Variants in HPSE2 observed in about 807,000 individuals in gnomAD.
HPSE2 encodes the protein inactive heparanase-2.
A neutral mutation model predicts 60.5 loss-of-function variants in HPSE2; 38 were observed. The ratio of observed to expected loss-of-function variants is 0.63; its 90% confidence interval spans 0.48 to 0.82. The LOEUF is 0.82. Among genes scored for constraint, HPSE2 ranks in the 40% least tolerant of loss-of-function variants. HPSE2 has a pLI of 0.00. For synonymous variants in HPSE2, 295 were observed against 293.2 expected (o/e 1.01, Z -0.06); for missense variants, 713 against 740.4 (o/e 0.96, Z 0.43).
intron 3 of HPSE2, among the ~76,000 whole-genome samples, chr10:99,092,721 A>C (rs144950963): frequency 2.0e-5 from 3 of 152,184 alleles, no homozygotes; most frequent in African/African-American, 7.2e-5. Context: ...CTGAGCCACC[A>C]TTTTCTTAAT....
chr10:99,098,339 C>A (rs1428930872), intron 3 of HPSE2, among the ~76,000 whole-genome samples: 1 of 152,042 alleles, frequency 6.6e-6, no homozygotes, highest in Non-Finnish European at 1.5e-5. Context: ...AAAATATTAA[C>A]CCATTTTATA....
In HPSE2 at chr10:98,940,279, T is replaced by C. The variant is rs184379766; in HGVS notation, c.611-196223A>G. 3.0e-3 allele frequency among the ~76,000 whole-genome samples: 425 copies of C among 143,538 alleles called. 103 individuals carry two copies. The highest frequency in any genetic ancestry group is 0.011 in the African/African-American group (398 of 35,232). 94.2% of individuals were successfully genotyped at this position (143,538 alleles called of 152,430 possible). ...GAGACACAAAAAACCCTTCAAAAAATTAATGAATCCAGGAGCTGGTTTTTT... is the reference window on the plus strand; with the variant it reads ...GAGACACAAAAAACCCTTCAAAAAACTAATGAATCCAGGAGCTGGTTTTTT... On this transcript the variant is annotated intron_variant, in intron 3 of 11. Coordinates refer to ENST00000370552, the MANE Select transcript of HPSE2 (RefSeq NM_021828.5).
chr10:99,046,572 GA>G (rs1396901999), intron 3 of HPSE2, among the ~76,000 whole-genome samples: 2 of 152,008 alleles, frequency 1.3e-5, no homozygotes, highest in African/African-American at 4.8e-5. Flanking sequence ...TCTATACCTA[GA>G]AAACCCTAAA....
intron 3 of HPSE2, among the ~76,000 whole-genome samples, chr10:99,106,164 TAAAG>T (rs1158756341): frequency 6.6e-6 from 1 of 152,164 alleles, no homozygotes; most frequent in Non-Finnish European, 1.5e-5. Flanking sequence ...GGGATTTTGA[TAAAG>T]ATTGTGTTAA....
the HPSE2 span, among the ~76,000 whole-genome samples, chr10:99,315,803 C>T: frequency 6.6e-6 from 1 of 152,188 alleles, no homozygotes; most frequent in Non-Finnish European, 1.5e-5. Flanking sequence ...AGCCCTCTTC[C>T]CCAAACAGCA....
Position 98,542,136 on chromosome 10 carries a change from G to C in HPSE2, c.1321-51940C>G, listed in dbSNP as rs60098941. On this transcript the variant is annotated intron_variant, in intron 9 of 11. Coordinates refer to ENST00000370552, the MANE Select transcript of HPSE2 (RefSeq NM_021828.5). Reference sequence around the variant, plus strand: ...GTACTCCTCTGAGACAAAACTTCCAGAGGAATGATCAGACAGCAGCATTCG... The same window carrying C: ...GTACTCCTCTGAGACAAAACTTCCACAGGAATGATCAGACAGCAGCATTCG... 9.0e-3 allele frequency among the ~76,000 whole-genome samples: 1,363 copies of C among 152,238 alleles called. 14 individuals carry two copies. Among genetic ancestry groups the C allele is most frequent in the African/African-American group, 0.031 (1,296 of 41,550 alleles).
rs893665413 is a variant in HPSE2, at chr10:99,072,651, C to T, written c.610+71587G>A. Reference sequence around the variant, plus strand: ...GGCAATTATAAAAAAGTCAGCCGGGCATGGCGGCTCATGCCTATAATCCCA... The same window carrying T: ...GGCAATTATAAAAAAGTCAGCCGGGTATGGCGGCTCATGCCTATAATCCCA... On this transcript the variant is annotated intron_variant, in intron 3 of 11. Transcript: ENST00000370552. Among the ~76,000 whole-genome samples the T allele has an allele frequency of 2.0e-5, 3 of 152,122 alleles. No homozygotes were observed. The South Asian group carries it at 6.2e-4, about 32-fold the overall frequency.
At chr10:99,305,979 G>GCACGCA in the HPSE2 span, among the ~76,000 whole-genome samples, 7 of 80,582 alleles carry the variant, frequency 8.7e-5, no homozygotes, top group African/African-American at 3.8e-4. Flanking sequence ...GCGCGCGCGC[G>GCACGCA]CACACACACA....
chr10:98,578,875 G>A (rs1824614), intron 9 of HPSE2, among the ~76,000 whole-genome samples: 85,674 of 151,836 alleles, frequency 0.56, 24,397 homozygotes, highest in Middle Eastern at 0.64. Flanking sequence ...TCAAAGCTCA[G>A]TTACCCCTTA....
chr10:98,955,045 A>T (rs2135208454), intron 3 of HPSE2, among the ~76,000 whole-genome samples: 1 of 150,386 alleles, frequency 6.6e-6, no homozygotes, highest in Non-Finnish European at 1.5e-5. Context: ...TATATATATT[A>T]CTCTATCCAA....
At chr10:99,211,479 G>T (rs778363796) in intron 2 of HPSE2, among the ~76,000 whole-genome samples, 7 of 151,314 alleles carry the variant, frequency 4.6e-5, no homozygotes, top group Non-Finnish European at 7.4e-5. Context: ...GTAATAAAAA[G>T]AAAAAAAAGT....
chr10:99,157,953 G>A (rs1046578191), intron 2 of HPSE2, among the ~76,000 whole-genome samples: 39 of 117,548 alleles, frequency 3.3e-4, no homozygotes, highest in Non-Finnish European at 6.0e-4. Flanking sequence ...GACGTGAACA[G>A]ACACTTCTCA....
chr10:98,982,712 A>C lies in HPSE2; in HGVS notation c.610+161526T>G, dbSNP rs372785276. Among the ~76,000 whole-genome samples the C allele has an allele frequency of 1.7e-4, 26 of 152,290 alleles. No individual in the cohort carries two copies. In the East Asian group the frequency reaches 4.6e-3, roughly 27 times the overall value. On this transcript the variant is annotated intron_variant, in intron 3 of 11. Coordinates refer to ENST00000370552, the MANE Select transcript of HPSE2 (RefSeq NM_021828.5). ...ATAAGCAATCAACTGAGGATAGGAA[A>C]CTAGTCACAAGGAAAATAAACTGTG...
chr10:98,486,299 G>A (rs1459066229), intron 10 of HPSE2, among the ~76,000 whole-genome samples: 1 of 152,164 alleles, frequency 6.6e-6, no homozygotes, highest in Admixed American at 6.5e-5. Flanking sequence ...GTGTCTGAAG[G>A]CTTGGCCTGC....
chr10:99,274,507 C>T, the HPSE2 span, among the ~76,000 whole-genome samples: 2 of 152,036 alleles, frequency 1.3e-5, no homozygotes, highest in African/African-American at 4.8e-5. Context: ...AATTAAAAAG[C>T]ATTAATAGAG....
the HPSE2 span, among the ~76,000 whole-genome samples, chr10:99,305,058 CTGT>C: frequency 6.6e-6 from 1 of 152,214 alleles, no homozygotes; most frequent in Non-Finnish European, 1.5e-5. Context: ...CTAACATCTG[CTGT>C]CACATTTGCC....
At chr10:98,998,545 G>T (rs999334547) in intron 3 of HPSE2, among the ~76,000 whole-genome samples, 2 of 152,162 alleles carry the variant, frequency 1.3e-5, no homozygotes, top group African/African-American at 4.8e-5. Flanking sequence ...TAGCTCCCTG[G>T]AAACGTAGGT....
rs185457786 is a variant in HPSE2, at chr10:98,670,224, A to G, written c.1004+23676T>C. 7.3e-4 allele frequency among the ~76,000 whole-genome samples: 111 copies of G among 152,280 alleles called. 1 individual carries two copies. Among genetic ancestry groups the G allele is most frequent in the African/African-American group, 2.6e-3 (107 of 41,566 alleles). On this transcript the variant is annotated intron_variant, in intron 6 of 11. Transcript: ENST00000370552. ...CTCTAAGGGCTTTGGTTCTTATTCC[A>G]AGTCAGATGAAGAGACATTAAGGAT... is the stretch of plus-strand genomic sequence containing the variant.
At chr10:99,037,143 C>G (rs868824474) in intron 3 of HPSE2, among the ~76,000 whole-genome samples, 27 of 152,092 alleles carry the variant, frequency 1.8e-4, no homozygotes, top group Middle Eastern at 3.4e-3. Flanking sequence ...CGTTCCTTGG[C>G]TAGTATTCTT....
Sources: gnomAD v4.1 joint callset for allele counts (sites outside exome capture counted in the v4.1 genomes callset) on GRCh38, gnomAD v4.1.1 for gene constraint, MANE v1.5 for transcripts, NCBI Gene and HGNC (gene_info 2026-07-23, HGNC 2026-07-21) for gene names.